Variants in CARMIL1 observed in about 807,000 individuals in gnomAD.
CARMIL1 encodes the protein capping protein regulator and myosin 1 linker 1.
In CARMIL1, 90 loss-of-function variants were observed where a neutral mutation model predicts 177.1. The ratio of observed to expected loss-of-function variants is 0.51; its 90% CI spans 0.43 to 0.61. The LOEUF is 0.61. CARMIL1 is among the 20% of genes least tolerant of loss of function. The pLI, the probability that CARMIL1 is intolerant of heterozygous loss-of-function variation, is 0.00. For synonymous variants in CARMIL1, 577 were observed against 606.2 expected, an observed-to-expected ratio of 0.95 and a Z score of 0.71; for missense variants, 1,380 against 1,667.0, an observed-to-expected ratio of 0.83 and a Z score of 3.00.
intron 17 of CARMIL1, among the ~76,000 whole-genome samples, chr6:25,504,036 T>C (rs1804683002): frequency 6.6e-6 from 1 of 152,122 alleles, no homozygotes; most frequent in Admixed American, 6.5e-5. Context: ...ACAGAAGCTA[T>C]TGTGAGATAC....
At chr6:25,568,942 G>C (rs1264609010) in intron 29 of CARMIL1, among the ~76,000 whole-genome samples, 1 of 152,118 alleles carries the variant, frequency 6.6e-6, no homozygotes, top group Non-Finnish European at 1.5e-5. Context: ...AGCCAGTTTT[G>C]TTTTGTTAGA....
chr6:25,600,832 G>A, intron 33 of CARMIL1, 86 bp downstream of exon 33: 2 of 1,181,378 alleles, frequency 1.7e-6, no homozygotes, highest in Non-Finnish European at 2.3e-6. Flanking sequence ...ATATTTTTAT[G>A]TATGTCTATC....
intron 1 of CARMIL1, among the ~76,000 whole-genome samples, chr6:25,281,134 G>GCACACACA (rs1305000773): frequency 1.5e-5 from 1 of 67,930 alleles, no homozygotes; most frequent in African/African-American, 7.1e-5. Flanking sequence ...GTGTGCGCGC[G>GCACACACA]CGCACACACA....
At chr6:25,463,358 A>T (rs1282045303) in intron 8 of CARMIL1, among the ~76,000 whole-genome samples, 3 of 152,220 alleles carry the variant, frequency 2.0e-5, no homozygotes, top group Admixed American at 2.0e-4. Context: ...TACCTTAAAA[A>T]TTTAATATTG....
At chr6:25,579,504 G>A (rs1812930379) in intron 29 of CARMIL1, among the ~76,000 whole-genome samples, 1 of 152,176 alleles carries the variant, frequency 6.6e-6, no homozygotes. Flanking sequence ...GAATAGACCA[G>A]GCAGGCCACT....
chr6:25,421,168 C>T (rs536195312), intron 3 of CARMIL1, among the ~76,000 whole-genome samples: 4 of 152,342 alleles, frequency 2.6e-5, no homozygotes, highest in African/African-American at 9.6e-5. Context: ...GATACAGTCT[C>T]ATTTAATTCT....
Position 25,537,947 on chromosome 6 carries a change from A to G in CARMIL1, c.2160A>G (p.Ala720=). The G allele has an allele frequency of 6.2e-7, 1 of 1,605,610 alleles. No individual in the cohort carries two copies. Among genetic ancestry groups the G allele is most frequent in the South Asian group, 1.1e-5 (1 of 88,948 alleles). ...CTATCCAGGAAGATTTAAAATCAGC[A>G]GAGCGGCTCATGCGTGATGCTAAGA... ...GDAIQEDLKS[A]ERLMRDAKNS... Residue 720 remains alanine, a synonymous_variant, in exon 25 of 37, where the codon GCA becomes GCG. Transcript: ENST00000329474.
intron 17 of CARMIL1, among the ~76,000 whole-genome samples, chr6:25,501,234 C>G (rs1439667858): frequency 2.0e-5 from 3 of 152,106 alleles, no homozygotes; most frequent in African/African-American, 7.2e-5. Flanking sequence ...TCTCCTCATT[C>G]CTATTCCCGG....
chr6:25,588,821 T>G (rs1411191039), intron 31 of CARMIL1, among the ~76,000 whole-genome samples: 1 of 152,208 alleles, frequency 6.6e-6, no homozygotes, highest in Non-Finnish European at 1.5e-5. Flanking sequence ...TTACTCAATA[T>G]TCAAGGGAAT....
At chr6:25,454,451 A>G (rs1799281354) in intron 8 of CARMIL1, among the ~76,000 whole-genome samples, 1 of 152,218 alleles carries the variant, frequency 6.6e-6, no homozygotes, top group Non-Finnish European at 1.5e-5. Flanking sequence ...CCTGCTCTAG[A>G]TCAGCCACCT....
At chr6:25,587,929 T>C (rs191577990) in intron 31 of CARMIL1, among the ~76,000 whole-genome samples, 180 of 152,260 alleles carry the variant, frequency 1.2e-3, no homozygotes, top group African/African-American at 4.2e-3. Flanking sequence ...GAGCCCTCCA[T>C]ATCCACACAT....
chr6:25,429,136 A>G (rs1182886661), intron 4 of CARMIL1, among the ~76,000 whole-genome samples: 2 of 152,140 alleles, frequency 1.3e-5, no homozygotes, highest in African/African-American at 4.8e-5. Context: ...GCTATTTCTC[A>G]GGGTTGATAG....
At chr6:25,404,418 A>G (rs1327591429) in intron 2 of CARMIL1, among the ~76,000 whole-genome samples, 1 of 152,094 alleles carries the variant, frequency 6.6e-6, no homozygotes, top group Admixed American at 6.5e-5. Context: ...TGGATGAAGG[A>G]CCCACCTGGA....
chr6:25,548,975 T>C (rs1439524081), intron 26 of CARMIL1, among the ~76,000 whole-genome samples: 1 of 152,216 alleles, frequency 6.6e-6, no homozygotes, highest in Non-Finnish European at 1.5e-5. Context: ...TTTAAAGTGC[T>C]GTATTGTACT....
At chr6:25,605,711 C>T (rs923380150) in intron 34 of CARMIL1, among the ~76,000 whole-genome samples, 2 of 152,146 alleles carry the variant, frequency 1.3e-5, no homozygotes, top group African/African-American at 4.8e-5. Flanking sequence ...GTACCTTGTG[C>T]CAGATCTGAG....
At chr6:25,460,941 A>G (rs1436272524) in intron 8 of CARMIL1, among the ~76,000 whole-genome samples, 2 of 152,170 alleles carry the variant, frequency 1.3e-5, no homozygotes, top group Non-Finnish European at 2.9e-5. Flanking sequence ...AAAGACTTAC[A>G]TGTATCAATT....
At chr6:25,358,732 A>C (rs966235996) in intron 2 of CARMIL1, among the ~76,000 whole-genome samples, 1 of 152,210 alleles carries the variant, frequency 6.6e-6, no homozygotes, top group African/African-American at 2.4e-5. Flanking sequence ...TATATTGCTG[A>C]AGTGAGTACT....
intron 27 of CARMIL1, among the ~76,000 whole-genome samples, chr6:25,552,638 T>G (rs979775173): frequency 2.1e-4 from 32 of 152,144 alleles, no homozygotes; most frequent in African/African-American, 7.5e-4. Context: ...AAGCATAGTA[T>G]CCGGTAGCAA....
chr6:25,391,773 T>C (rs1023244062), intron 2 of CARMIL1, among the ~76,000 whole-genome samples: 2 of 152,200 alleles, frequency 1.3e-5, no homozygotes, highest in Non-Finnish European at 1.5e-5. Context: ...CTGACATCTG[T>C]AGAGGCATGG....
Sources: allele counts gnomAD v4.1 joint callset (sites outside exome capture counted in the v4.1 genomes callset), GRCh38; gene constraint gnomAD v4.1.1; transcripts MANE v1.5; gene names NCBI Gene and HGNC (gene_info 2026-07-23, HGNC 2026-07-21).